The following TAF4B variants were observed in gnomAD, a reference collection of about 807,000 sequenced individuals.
The protein encoded by TAF4B is TATA-box binding protein associated factor 4b, also known as transcription initiation factor TFIID subunit 4B.
TAF4B carries 38 observed loss-of-function variants against 86.4 expected under a neutral mutation model. That is an observed-to-expected ratio of 0.44 (90% CI 0.34 to 0.58). The LOEUF is 0.58. Among genes scored for constraint, TAF4B ranks in the 20% least tolerant of loss-of-function variants. The pLI, the probability that TAF4B is intolerant of heterozygous loss-of-function variation, is 0.02. For synonymous variants in TAF4B, 388 were observed against 391.2 expected (o/e 0.99, Z 0.10); for missense variants, 988 against 1,027.6 (o/e 0.96, Z 0.53).
In TAF4B at chr18:26,275,145, AATTTATTT is replaced by A. The variant is rs895979429; in HGVS notation, c.882+102_882+109del. On this transcript the variant is annotated intron_variant, in intron 5 of 14. Transcript: ENST00000269142. Reference sequence around the variant, plus strand: ...GCATATTTTTAAATGGGATTTATTTAATTTATTTATTTATTTAATTTATGTTTTGAGAC... The same window carrying A: ...GCATATTTTTAAATGGGATTTATTTAATTTATTTAATTTATGTTTTGAGAC... 62 of 1,295,346 alleles carry A rather than the reference AATTTATTT, an allele frequency of 4.8e-5. 1 individual carries two copies. The highest frequency in any genetic ancestry group is 6.1e-5 in the Non-Finnish European group (60 of 983,496). 80.2% of individuals were successfully genotyped at this position (1,295,346 alleles called of 1,614,324 possible).
chr18:26,235,472 T>G (rs2055735280), intron 1 of TAF4B, among the ~76,000 whole-genome samples: 1 of 152,184 alleles, frequency 6.6e-6, no homozygotes, highest in Non-Finnish European at 1.5e-5. Context: ...TACCCTTGAT[T>G]AGCTAGAAAG....
intron 9 of TAF4B, among the ~76,000 whole-genome samples, chr18:26,298,678 G>A (rs2056693822): frequency 6.6e-6 from 1 of 151,896 alleles, no homozygotes; most frequent in Non-Finnish European, 1.5e-5. Context: ...GACTACAGGT[G>A]TACATTACCA....
In TAF4B at chr18:26,226,923, GC is replaced by G. The variant is rs1001082636; in HGVS notation, c.-7del. The G allele has an allele frequency of 3.9e-5, 53 of 1,365,890 alleles. No homozygotes were observed. In the African/African-American group the frequency reaches 8.0e-4, roughly 21 times the overall value. 84.6% of individuals were successfully genotyped at this position (1,365,890 alleles called of 1,614,324 possible). A position where few individuals can be genotyped will look rare whatever the true frequency, so the allele number is the denominator to read the frequency against. ...ACCGCAGCGCCAAAGCTGCCGCTGA[GC>G]CCCTGGGGGATGCCCGCCGGCCTCA... On this transcript the variant is annotated 5_prime_UTR_variant, in exon 1 of 15. Transcript: ENST00000269142.
chr18:26,358,324 A>AT (rs1190487562), intron 14 of TAF4B, among the ~76,000 whole-genome samples: 1 of 152,190 alleles, frequency 6.6e-6, no homozygotes, highest in Non-Finnish European at 1.5e-5. Flanking sequence ...GTATTCCCCC[A>AT]TAGAATAGGC....
intron 3 of TAF4B, among the ~76,000 whole-genome samples, chr18:26,272,889 G>GGT (rs2056338723): frequency 1.9e-5 from 2 of 104,100 alleles, no homozygotes; most frequent in Non-Finnish European, 4.6e-5. Flanking sequence ...TGCATTTGAG[G>GGT]CTCTATATTT....
intron 13 of TAF4B, among the ~76,000 whole-genome samples, chr18:26,345,007 CTTA>C (rs969039894): frequency 3.3e-5 from 5 of 152,186 alleles, no homozygotes; most frequent in African/African-American, 1.2e-4. Context: ...GCATACAGTC[CTTA>C]CTACAGGAGA....
intron 1 of TAF4B, among the ~76,000 whole-genome samples, chr18:26,236,136 GTTA>G (rs1169228600): frequency 6.6e-6 from 1 of 152,134 alleles, no homozygotes; most frequent in Admixed American, 6.5e-5. Flanking sequence ...TGGGTAACTT[GTTA>G]TTCATGCAAA....
chr18:26,317,837 C>T (rs549556425), intron 10 of TAF4B, among the ~76,000 whole-genome samples: 1 of 152,274 alleles, frequency 6.6e-6, no homozygotes, highest in Admixed American at 6.5e-5. Flanking sequence ...GGCCCCAACT[C>T]CAAATACCAT....
chr18:26,379,518 A>G, intron 14 of TAF4B, among the ~76,000 whole-genome samples: 1 of 152,108 alleles, frequency 6.6e-6, no homozygotes, highest in East Asian at 1.9e-4. Flanking sequence ...ATATGTGGAC[A>G]TATCTATACA....
intron 9 of TAF4B, among the ~76,000 whole-genome samples, chr18:26,296,457 G>A (rs1194702420): frequency 1.4e-5 from 2 of 147,980 alleles, no homozygotes; most frequent in African/African-American, 2.5e-5. Context: ...ATCTCTTTTT[G>A]CCTGTAGCAA....
intron 7 of TAF4B, among the ~76,000 whole-genome samples, chr18:26,286,722 C>T (rs762683029): frequency 1.2e-4 from 19 of 152,052 alleles, no homozygotes; most frequent in Admixed American, 5.9e-4. Flanking sequence ...CTTACTCTGT[C>T]GCCCAGGCTG....
chr18:26,319,638 G>A (rs1001637541), intron 10 of TAF4B, among the ~76,000 whole-genome samples: 25 of 151,936 alleles, frequency 1.6e-4, no homozygotes, highest in African/African-American at 6.0e-4. Flanking sequence ...TACCCAGGCT[G>A]GAGCGCAATG....
intron 9 of TAF4B, among the ~76,000 whole-genome samples, chr18:26,302,712 T>C (rs2056749677): frequency 6.6e-6 from 1 of 152,070 alleles, no homozygotes; most frequent in South Asian, 2.1e-4. Context: ...TTTTTGTTTT[T>C]GCTATGGTTT....
In TAF4B at chr18:26,265,217, C is replaced by T; in HGVS notation, c.391C>T (p.Pro131Ser). The change falls in exon 2 of 15, where the codon CCT becomes TCT. Residue 131 changes from proline (P) to serine (S), a missense_variant. Transcript: ENST00000269142. ...CAGTGGTCCGTTGATGTTGGTATCT[C>T]CTCAGCAAACTGTAACAAGAGCCGA... ...SNSGPLMLVS[P>S]QQTVTRAETT... 1.9e-6 allele frequency: 3 copies of T among 1,613,964 alleles called. No individual in the cohort carries two copies. Among genetic ancestry groups the T allele is most frequent in the Non-Finnish European group, 2.5e-6 (3 of 1,179,996 alleles).
At chr18:26,379,992 G>T (rs2057467482) in intron 14 of TAF4B, among the ~76,000 whole-genome samples, 3 of 151,978 alleles carry the variant, frequency 2.0e-5, no homozygotes, top group South Asian at 4.1e-4. Flanking sequence ...AGTTGATTTT[G>T]ACATAGATCT....
At chr18:26,337,446 T>C (rs2057102204) in intron 13 of TAF4B, among the ~76,000 whole-genome samples, 1 of 139,648 alleles carries the variant, frequency 7.2e-6, no homozygotes, top group African/African-American at 2.6e-5. Flanking sequence ...TTTTTTGAGA[T>C]GGAGTCTCAC....
chr18:26,302,371 ATTTT>A (rs66683595), intron 9 of TAF4B, among the ~76,000 whole-genome samples: 4 of 93,076 alleles, frequency 4.3e-5, no homozygotes, highest in African/African-American at 1.2e-4. Context: ...TTCATATTAA[ATTTT>A]TTTTTTTTTT....
At chr18:26,359,118 A>C (rs1167945203) in intron 14 of TAF4B, among the ~76,000 whole-genome samples, 1 of 152,136 alleles carries the variant, frequency 6.6e-6, no homozygotes, top group Non-Finnish European at 1.5e-5. Context: ...GTTTTTAGTT[A>C]AATATGATCA....
rs1224984332 is a variant in TAF4B at position 26,226,817 on chromosome 18, CT to C, written c.-116del. ...CTTCGCTGCTGCGGCCCCCGCGCCT[CT>C]CCCCAGCGATGCTGTGGAACCCGAA... On this transcript the variant is annotated 5_prime_UTR_variant, in exon 1 of 15. Coordinates refer to ENST00000269142, the MANE Select transcript of TAF4B (RefSeq NM_005640.3). The C allele has an allele frequency of 1.2e-6, 1 of 812,820 alleles. No individual in the cohort carries two copies. Among genetic ancestry groups the C allele is most frequent in the African/African-American group, 1.8e-5 (1 of 55,142 alleles). The allele number at this position is 812,820 out of a possible 1,614,324, so 50.4% of individuals were successfully genotyped here. A position where few individuals can be genotyped will look rare whatever the true frequency, so the allele number is the denominator to read the frequency against.
Sources: allele counts gnomAD v4.1 joint callset (sites outside exome capture counted in the v4.1 genomes callset), GRCh38; gene constraint gnomAD v4.1.1; transcripts MANE v1.5; gene names NCBI Gene and HGNC (gene_info 2026-07-23, HGNC 2026-07-21).